The following GUCY1A2 variants were observed in gnomAD, a reference collection of about 807,000 sequenced individuals.
The protein encoded by GUCY1A2 is guanylate cyclase 1 soluble subunit alpha 2.
A neutral mutation model predicts 63.5 loss-of-function variants in GUCY1A2; 27 were observed. The observed-to-expected ratio is 0.43, with a 90% CI of 0.31 to 0.59. The LOEUF (loss-of-function observed/expected upper bound fraction) is 0.59. Ranked by LOEUF, GUCY1A2 falls within the 20% of genes least tolerant of loss-of-function variation. The pLI is 0.11. For missense variants in GUCY1A2, 768 were observed against 913.3 expected (o/e 0.84, Z 2.05); for synonymous variants, 364 against 343.5 (o/e 1.06, Z -0.66).
chr11:106,883,214 T>A (rs1426010950), intron 4 of GUCY1A2, among the ~76,000 whole-genome samples: 1 of 152,096 alleles, frequency 6.6e-6, no homozygotes, highest in Non-Finnish European at 1.5e-5. Context: ...AAAGCCTACA[T>A]CCCAACCTGA....
At position 106,674,145 on chromosome 11, in the gene GUCY1A2, A is replaced by G. The variant is rs1406357912; in HGVS notation, c.*13404T>C. On this transcript the variant is annotated 3_prime_UTR_variant, in exon 8 of 8. Coordinates refer to ENST00000526355, the MANE Select transcript of GUCY1A2 (RefSeq NM_000855.3). Reference sequence around the variant, plus strand: ...AATTATGTAAATATAACACAGAACTATCATTTCCACTTTGTTTTATAAGAA... The same window carrying G: ...AATTATGTAAATATAACACAGAACTGTCATTTCCACTTTGTTTTATAAGAA... The G allele has an allele frequency of 1.1e-5, 2 of 183,094 alleles. No homozygotes were observed. The highest frequency in any genetic ancestry group is 2.3e-5 in the Non-Finnish European group (2 of 86,020). The allele number at this position is 183,094 out of a possible 1,614,324, so 11.3% of individuals were successfully genotyped here.
chr11:106,936,565 G>A (rs188553060), intron 4 of GUCY1A2: 5 of 694,452 alleles, frequency 7.2e-6, no homozygotes, highest in East Asian at 5.6e-5. Context: ...TGTGAGGCAT[G>A]GATGATCACT....
At chr11:106,821,064 T>C (rs1858895570) in intron 4 of GUCY1A2, among the ~76,000 whole-genome samples, 1 of 152,188 alleles carries the variant, frequency 6.6e-6, no homozygotes, top group African/African-American at 2.4e-5. Context: ...CATAACCAAG[T>C]CAATTTAATG....
intron 4 of GUCY1A2, chr11:106,827,116 A>T (rs1458895175): frequency 6.7e-7 from 1 of 1,483,652 alleles, no homozygotes; most frequent in African/African-American, 1.4e-5. Context: ...TACTTCACAC[A>T]TAGCTTCAAG....
chr11:106,918,547 G>A (rs532769985), intron 4 of GUCY1A2, among the ~76,000 whole-genome samples: 3 of 144,970 alleles, frequency 2.1e-5, no homozygotes, highest in East Asian at 2.1e-4. Context: ...TCTTCCACAC[G>A]TGCACACACA....
intron 4 of GUCY1A2, among the ~76,000 whole-genome samples, chr11:106,900,124 C>T (rs1860110814): frequency 6.6e-6 from 1 of 151,808 alleles, no homozygotes; most frequent in Non-Finnish European, 1.5e-5. Flanking sequence ...TATATGTAGC[C>T]AATCAATGTA....
At chr11:106,830,501 G>T (rs910117935) in intron 4 of GUCY1A2, among the ~76,000 whole-genome samples, 2 of 152,174 alleles carry the variant, frequency 1.3e-5, no homozygotes, top group African/African-American at 4.8e-5. Flanking sequence ...AATCCGGGTG[G>T]GCACCATCTA....
chr11:106,774,083 C>T (rs1363395679), intron 6 of GUCY1A2, among the ~76,000 whole-genome samples: 1 of 152,108 alleles, frequency 6.6e-6, no homozygotes, highest in African/African-American at 2.4e-5. Context: ...CCAAGAGTCC[C>T]CCAAGCATTT....
intron 4 of GUCY1A2, among the ~76,000 whole-genome samples, chr11:106,843,438 T>C (rs1426546882): frequency 6.6e-6 from 1 of 151,642 alleles, no homozygotes; most frequent in Non-Finnish European, 1.5e-5. Flanking sequence ...TAGATGAACA[T>C]AGAGGGCTAC....
intron 1 of GUCY1A2, among the ~76,000 whole-genome samples, chr11:107,014,341 C>T (rs1395107944): frequency 6.6e-6 from 1 of 152,056 alleles, no homozygotes; most frequent in African/African-American, 2.4e-5. Context: ...CCTGCCTCGG[C>T]CTCCCAAAGT....
At chr11:107,012,280 C>T (rs1475133546) in intron 1 of GUCY1A2, among the ~76,000 whole-genome samples, 14 of 137,638 alleles carry the variant, frequency 1.0e-4, no homozygotes, top group Non-Finnish European at 1.5e-4. Flanking sequence ...TTTTTTCGTA[C>T]TTGACATCTG....
chr11:106,741,731 C>A (rs1168133765), intron 6 of GUCY1A2, among the ~76,000 whole-genome samples: 3 of 152,124 alleles, frequency 2.0e-5, no homozygotes, highest in African/African-American at 7.2e-5. Flanking sequence ...AAAAAGTTTA[C>A]AATGGTGATA....
intron 5 of GUCY1A2, among the ~76,000 whole-genome samples, chr11:106,807,244 T>A (rs1858701942): frequency 6.6e-6 from 1 of 152,214 alleles, no homozygotes; most frequent in African/African-American, 2.4e-5. Flanking sequence ...CCTCTGGGAT[T>A]CTTTGTTTCA....
At chr11:106,861,457 C>T (rs1565312732) in intron 4 of GUCY1A2, among the ~76,000 whole-genome samples, 1 of 151,882 alleles carries the variant, frequency 6.6e-6, no homozygotes, top group Admixed American at 6.6e-5. Context: ...TACTTATAAA[C>T]TTCCCATTTG....
intron 4 of GUCY1A2, among the ~76,000 whole-genome samples, chr11:106,867,438 A>G (rs887097138): frequency 6.6e-5 from 10 of 152,096 alleles, no homozygotes; most frequent in African/African-American, 2.2e-4. Context: ...ACGCTAGAAC[A>G]GAATTATTTT....
chr11:106,903,683 A>G (rs1860165190), intron 4 of GUCY1A2, among the ~76,000 whole-genome samples: 1 of 152,200 alleles, frequency 6.6e-6, no homozygotes, highest in Admixed American at 6.5e-5. Flanking sequence ...TCTAAATAGC[A>G]AAGGAGACTG....
At chr11:106,962,619 G>T (rs1344433776) in intron 3 of GUCY1A2, among the ~76,000 whole-genome samples, 1 of 151,500 alleles carries the variant, frequency 6.6e-6, no homozygotes, top group Non-Finnish European at 1.5e-5. Context: ...GTGGGAGTAG[G>T]TGGGGGGAGT....
chr11:106,892,954 T>A (rs1420512374), intron 4 of GUCY1A2, among the ~76,000 whole-genome samples: 3 of 152,192 alleles, frequency 2.0e-5, no homozygotes, highest in African/African-American at 7.2e-5. Context: ...CCATTAAATG[T>A]GTTTAGAGAC....
chr11:106,936,608 A>T, intron 4 of GUCY1A2: 1 of 1,123,772 alleles, frequency 8.9e-7, no homozygotes. Context: ...AAGTGATAGA[A>T]TCAAAGCTTG....
Sources: gnomAD v4.1 joint callset for allele counts (sites outside exome capture counted in the v4.1 genomes callset) on GRCh38, gnomAD v4.1.1 for gene constraint, MANE v1.5 for transcripts, NCBI Gene and HGNC (gene_info 2026-07-23, HGNC 2026-07-21) for gene names.